The following HEPHL1 variants were observed in gnomAD, a reference collection of about 807,000 sequenced individuals.
HEPHL1 encodes the protein ferroxidase HEPHL1.
A neutral mutation model predicts 122.0 loss-of-function variants in HEPHL1; 123 were observed. The ratio of observed to expected loss-of-function variants is 1.01; its 90% CI spans 0.87 to 1.17. HEPHL1 has a LOEUF of 1.17. Ranked by LOEUF, HEPHL1 falls within the 50% of genes most tolerant of loss-of-function variation. The pLI, the probability that HEPHL1 is intolerant of heterozygous loss-of-function variation, is 0.00. For missense variants in HEPHL1, 1,452 were observed against 1,430.5 expected (o/e 1.01, Z -0.24); for synonymous variants, 527 against 508.9 (o/e 1.04, Z -0.48).
At chr11:94,068,506 C>T (rs989766211) in intron 5 of HEPHL1, among the ~76,000 whole-genome samples, 3 of 152,052 alleles carry the variant, frequency 2.0e-5, no homozygotes, top group Admixed American at 2.0e-4. Flanking sequence ...CTGGTTTCTT[C>T]AGACATCATA....
At chr11:94,037,233 CG>C (rs1331420000) in intron 1 of HEPHL1, among the ~76,000 whole-genome samples, 5 of 152,088 alleles carry the variant, frequency 3.3e-5, no homozygotes, top group African/African-American at 1.2e-4. Context: ...CACGGAGTCT[CG>C]CTGATTGCTA....
chr11:94,061,502 G>A (rs1328718125), intron 2 of HEPHL1, among the ~76,000 whole-genome samples: 1 of 152,166 alleles, frequency 6.6e-6, no homozygotes, highest in Non-Finnish European at 1.5e-5. Flanking sequence ...GTCAAGGAGG[G>A]AGGGAGCTGA....
chr11:94,111,441 G>T (rs1946447757), intron 18 of HEPHL1, 96 bp from the exon 19 acceptor site: 7 of 941,774 alleles, frequency 7.4e-6, no homozygotes, highest in Non-Finnish European at 1.7e-6. Flanking sequence ...AGATACTGAT[G>T]GGATAAGTCC....
intron 1 of HEPHL1, among the ~76,000 whole-genome samples, chr11:94,025,626 C>T (rs1214792218): frequency 2.0e-5 from 3 of 152,104 alleles, no homozygotes; most frequent in East Asian, 3.9e-4. Flanking sequence ...TGTTAGTTGA[C>T]CCAGCCACAT....
At chr11:94,055,390 T>C (rs1945928362) in intron 2 of HEPHL1, 2 of 223,244 alleles carry the variant, frequency 9.0e-6, no homozygotes, top group Non-Finnish European at 1.8e-5. Context: ...AGGTCGTTGC[T>C]AACCTGCCTG....
At position 94,021,501 on chromosome 11, in the gene HEPHL1, A is replaced by G. The variant is rs564600266; in HGVS notation, c.133A>G (p.Lys45Glu). The change falls in exon 1 of 20, where the codon AAG becomes GAG. Residue 45 changes from lysine (K) to glutamate (E), a missense_variant. By Grantham distance (56) the Lys-to-Glu change is moderately conservative. Coordinates refer to ENST00000315765, the MANE Select transcript of HEPHL1 (RefSeq NM_001098672.2). The stretch of plus-strand genomic sequence containing the variant: ...ATACTGGAACTATGTACCCCAAGGG[A>G]AGAATGTTATTACTGGGAAAAGTTT... ...EEYWNYVPQG[K>E]NVITGKSFTE... The G allele has an allele frequency of 6.8e-6, 11 of 1,612,146 alleles. No individual in the cohort carries two copies. The East Asian group carries it at 2.5e-4, about 36-fold the overall frequency.
chr11:94,027,332 C>T (rs749099201), intron 1 of HEPHL1, among the ~76,000 whole-genome samples: 5 of 152,206 alleles, frequency 3.3e-5, no homozygotes, highest in Non-Finnish European at 7.4e-5. Flanking sequence ...ATGAGGACTG[C>T]GGAGTTATCT....
At chr11:94,038,771 A>G (rs1945748219) in intron 1 of HEPHL1, among the ~76,000 whole-genome samples, 1 of 145,822 alleles carries the variant, frequency 6.9e-6, no homozygotes, top group South Asian at 2.3e-4. Flanking sequence ...AAATCATGCC[A>G]AAATGTAAAG....
intron 9 of HEPHL1, among the ~76,000 whole-genome samples, chr11:94,080,772 A>T (rs1323483767): frequency 6.6e-6 from 1 of 152,236 alleles, no homozygotes; most frequent in Non-Finnish European, 1.5e-5. Flanking sequence ...AATGGCAATT[A>T]TTAAAAAGTC....
At position 94,096,320 on chromosome 11, in the gene HEPHL1, G is replaced by A. The variant is rs772639779; in HGVS notation, c.2434+2680G>A. Among the ~76,000 whole-genome samples the A allele has an allele frequency of 7.2e-5, 11 of 152,144 alleles. No homozygotes were observed. In the South Asian group the frequency reaches 8.3e-4, roughly 11 times the overall value. On this transcript the variant is annotated intron_variant, in intron 13 of 19. Coordinates refer to ENST00000315765, the MANE Select transcript of HEPHL1 (RefSeq NM_001098672.2). ...TGGTTCTGTTTATGTGATGGATTAC[G>A]TTTATTGATTTGCATTATGTTGAAC...
chr11:94,079,765 A>C (rs1025307407), intron 9 of HEPHL1, among the ~76,000 whole-genome samples: 13 of 152,206 alleles, frequency 8.5e-5, no homozygotes, highest in African/African-American at 2.7e-4. Flanking sequence ...GAATACCATT[A>C]GATGAGACTG....
At chr11:94,098,462 A>G (rs1017861099) in intron 13 of HEPHL1, among the ~76,000 whole-genome samples, 6 of 152,032 alleles carry the variant, frequency 3.9e-5, no homozygotes, top group Non-Finnish European at 7.4e-5. Flanking sequence ...CCTTCATTTC[A>G]GCTTTGGTGA....
chr11:94,049,262 A>G (rs1176698853), intron 2 of HEPHL1, among the ~76,000 whole-genome samples: 2 of 151,942 alleles, frequency 1.3e-5, no homozygotes, highest in African/African-American at 2.4e-5. Context: ...CAGAACTACA[A>G]TGAGATCTCA....
At position 94,084,369 on chromosome 11, in the gene HEPHL1, TAA is replaced by T. The variant is rs1329109489; in HGVS notation, c.1868-1606_1868-1605del. Among the ~76,000 whole-genome samples the T allele has an allele frequency of 5.1e-4, 77 of 150,820 alleles. No individual in the cohort carries two copies. The South Asian group carries it at 0.01, about 20-fold the overall frequency. Reference sequence around the variant, plus strand: ...ATAAATAAATAAATAAATAAATAAATAAATAAATATATAAATACAGGATATAT... The same window carrying T: ...ATAAATAAATAAATAAATAAATAAATATAAATATATAAATACAGGATATAT... On this transcript the variant is annotated intron_variant, in intron 10 of 19. Transcript: ENST00000315765.
intron 2 of HEPHL1, among the ~76,000 whole-genome samples, chr11:94,059,803 C>T (rs1214491046): frequency 6.6e-6 from 1 of 151,950 alleles, no homozygotes; most frequent in Non-Finnish European, 1.5e-5. Flanking sequence ...CAGTAATAGC[C>T]TTCAATAACT....
Position 94,112,164 on chromosome 11 carries a change from G to T in HEPHL1, c.*270G>T. On this transcript the variant is annotated 3_prime_UTR_variant, in exon 20 of 20. Transcript: ENST00000315765. ...CAACTCTTAGTCTATTCTTTGGTTG[G>T]ATTCACTGAATAGGAGACACTCTGA... is the stretch of plus-strand genomic sequence containing the variant. 1 of 306,148 alleles carries T rather than the reference G, an allele frequency of 3.3e-6. No individual in the cohort carries two copies. The allele number at this position is 306,148 out of a possible 1,614,324, so 19.0% of individuals were successfully genotyped here. A position where few individuals can be genotyped will look rare whatever the true frequency, so the allele number is the denominator to read the frequency against.
intron 1 of HEPHL1, among the ~76,000 whole-genome samples, chr11:94,041,892 A>C (rs1467394027): frequency 1.4e-5 from 1 of 71,514 alleles, no homozygotes; most frequent in African/African-American, 6.1e-5. Context: ...ATTAAACTAA[A>C]GAGCTTCTGC....
chr11:94,094,564 GA>G (rs2134447147), intron 13 of HEPHL1, among the ~76,000 whole-genome samples: 1 of 152,306 alleles, frequency 6.6e-6, no homozygotes, highest in South Asian at 2.1e-4. Flanking sequence ...GATCCTTGAG[GA>G]ATTGCCACAC....
In HEPHL1 at chr11:94,104,740, C is replaced by T. The variant is rs1381424255; in HGVS notation, c.2895C>T (p.Asn965=). ...FKRTDDFEES[N]RMHAINGKIF... Reference sequence around the variant, plus strand: ...GCACTGATGATTTTGAGGAAAGCAACAGAATGCATGGTATATCCAAAGTTT... The same window carrying T: ...GCACTGATGATTTTGAGGAAAGCAATAGAATGCATGGTATATCCAAAGTTT... Residue 965 remains asparagine (N), a synonymous_variant, in exon 16 of 20, where the codon AAC becomes AAT. Transcript: ENST00000315765. 6.2e-7 allele frequency: 1 copy of T among 1,611,138 alleles called. No individual in the cohort carries two copies. The highest frequency in any genetic ancestry group is 8.5e-7 in the Non-Finnish European group (1 of 1,177,388).
Sources: allele counts gnomAD v4.1 joint callset (sites outside exome capture counted in the v4.1 genomes callset), GRCh38; gene constraint gnomAD v4.1.1; transcripts MANE v1.5; gene names NCBI Gene and HGNC (gene_info 2026-07-23, HGNC 2026-07-21).